Variants in DENND6B observed in about 807,000 individuals in gnomAD.
The protein encoded by DENND6B is DENN domain containing 6B.
DENND6B carries 73 observed loss-of-function variants against 85.1 expected under a neutral mutation model. That is an observed-to-expected ratio of 0.86 (90% CI 0.71 to 1.04). The LOEUF is 1.04. Among genes scored for constraint, DENND6B ranks in the 50% least tolerant of loss-of-function variants. DENND6B has a pLI of 0.00. For missense variants in DENND6B, 715 were observed against 785.8 expected (o/e 0.91, Z 1.08); for synonymous variants, 357 against 329.3 (o/e 1.08, Z -0.91).
chr22:50,319,054 C>T, intron 1 of DENND6B, 51 bp from the exon 2 acceptor site: 1 of 1,557,572 alleles, frequency 6.4e-7, no homozygotes, highest in Non-Finnish European at 8.7e-7. Context: ...GAGGAGGCGA[C>T]ACCCCTCGAC....
At chr22:50,312,290 C>T (rs367706414) in intron 19 of DENND6B, 29 bp from the exon 20 acceptor site, 21 of 1,611,118 alleles carry the variant, frequency 1.3e-5, no homozygotes, top group Admixed American at 5.0e-5. Context: ...TCAGGGCAGG[C>T]GCAGCTCCGT....
intron 2 of DENND6B, 33 bp from the exon 3 acceptor site, chr22:50,318,922 C>G (rs530734523): frequency 1.2e-6 from 2 of 1,611,024 alleles, no homozygotes; most frequent in South Asian, 1.1e-5. Context: ...GAGGGCCGAC[C>G]CACTCCTGGG....
At chr22:50,312,704 G>A in intron 17 of DENND6B, 79 bp from the exon 18 acceptor site, 1 of 811,964 alleles carries the variant, frequency 1.2e-6, no homozygotes, top group Non-Finnish European at 2.0e-6. Context: ...TGACCCTGGG[G>A]ATTGACAGGC....
chr22:50,314,593 G>A lies in DENND6B; in HGVS notation c.977+12C>T, dbSNP rs1348533159. On this transcript the variant is annotated intron_variant, in intron 11 of 19. Transcript: ENST00000413817. Reference sequence around the variant, plus strand: ...GAGCAAGGGCAAGAGGCGGGGCAGAGGCGGCACTTACGGGGCCTGCGTGCG... The same window carrying A: ...GAGCAAGGGCAAGAGGCGGGGCAGAAGCGGCACTTACGGGGCCTGCGTGCG... 7 of 1,558,506 alleles carry A rather than the reference G, an allele frequency of 4.5e-6. No individual in the cohort carries two copies. Among genetic ancestry groups the A allele is most frequent in the African/African-American group, 2.7e-5 (2 of 73,396 alleles).
chr22:50,313,027 G>GGATGCAGGTGAGCTGGGGCCCAGCAT lies in DENND6B; in HGVS notation c.1403_1428dup (p.Leu477MetfsTer40). On this transcript the variant is annotated frameshift_variant, in exon 17 of 20. Coordinates refer to ENST00000413817, the MANE Select transcript of DENND6B (RefSeq NM_001001794.4). LOFTEE classifies it high-confidence loss of function. The stretch of plus-strand genomic sequence containing the variant: ...TAGAGACCCAGCCAGTCGCCCTTGA[G>GGATGCAGGTGAGCTGGGGCCCAGCAT]GATGCAGGTGAGCTGGGGCCCAGCA... 6.4e-7 allele frequency: 1 copy of GGATGCAGGTGAGCTGGGGCCCAGCAT among 1,562,050 alleles called. No homozygotes were observed.
rs1006072014 is a variant in DENND6B, at chr22:50,317,218, G to A, written c.453+75C>T. ...TGCTGGAGGCTCAGGCCCCTTGCCC[G>A]CCCACAGCCCCTCCTGCTGCCTGCC... On this transcript the variant is annotated intron_variant, in intron 5 of 19. Transcript: ENST00000413817. The A allele has an allele frequency of 1.4e-5, 22 of 1,544,072 alleles. No individual in the cohort carries two copies. The African/African-American group carries it at 1.8e-4, about 12-fold the overall frequency.
At chr22:50,320,366 G>A (rs2042005468) in intron 1 of DENND6B, among the ~76,000 whole-genome samples, 1 of 152,230 alleles carries the variant, frequency 6.6e-6, no homozygotes, top group African/African-American at 2.4e-5. Context: ...GTGCAGGCGT[G>A]AGCCACGCCC....
At chr22:50,313,544 C>T (rs892970076) in intron 15 of DENND6B, 45 bp from the exon 16 acceptor site, 57 of 1,505,986 alleles carry the variant, frequency 3.8e-5, no homozygotes, top group Non-Finnish European at 4.7e-5. Flanking sequence ...CCCATGCCCC[C>T]CAGCCCCATC....
chr22:50,318,663 G>A (rs1331753974), intron 3 of DENND6B, among the ~76,000 whole-genome samples, 184 bp downstream of exon 3: 1 of 152,126 alleles, frequency 6.6e-6, no homozygotes, highest in African/African-American at 2.4e-5. Flanking sequence ...TCTGGGGACC[G>A]GCCTGACCTG....
chr22:50,314,083 C>G (rs911086586), intron 13 of DENND6B, 124 bp downstream of exon 13: 2 of 1,338,530 alleles, frequency 1.5e-6, no homozygotes, highest in African/African-American at 1.5e-5. Flanking sequence ...GTTCTGAGCT[C>G]TGCTGCTGAG....
chr22:50,323,721 CTTTTT>C (rs146060526), intron 1 of DENND6B, among the ~76,000 whole-genome samples: 6 of 104,584 alleles, frequency 5.7e-5, no homozygotes, highest in African/African-American at 7.9e-5. Flanking sequence ...CACGCCTAGC[CTTTTT>C]TTTTTTTTTT....
chr22:50,314,763 C>A, intron 10 of DENND6B, 36 bp downstream of exon 10: 1 of 1,583,380 alleles, frequency 6.3e-7, no homozygotes, highest in South Asian at 1.1e-5. Flanking sequence ...CCGCGATGGT[C>A]CAGCTTCCCC....
intron 16 of DENND6B, 71 bp from the exon 17 acceptor site, chr22:50,313,179 A>G: frequency 7.1e-7 from 1 of 1,415,908 alleles, no homozygotes; most frequent in Non-Finnish European, 9.7e-7. Context: ...CGCTTCCCAG[A>G]CACACTCCTC....
At position 50,309,533 on chromosome 22, in the gene DENND6B, C is replaced by A; in HGVS notation, c.*2606G>T. ...CACGCCCAGCCCCCACCCATCCACC[C>A]CAGGCCACATTCCACCCCAGGCCTC... On this transcript the variant is annotated 3_prime_UTR_variant, in exon 20 of 20. Transcript: ENST00000413817. 1 of 152,562 alleles carries A rather than the reference C, an allele frequency of 6.6e-6. No homozygotes were observed. Among genetic ancestry groups the A allele is most frequent in the Non-Finnish European group, 1.5e-5 (1 of 68,218 alleles). The allele number at this position is 152,562 out of a possible 1,614,324, so 9.5% of individuals were successfully genotyped here. A position where few individuals can be genotyped will look rare whatever the true frequency, so the allele number is the denominator to read the frequency against.
In DENND6B at chr22:50,310,618, A is replaced by G. The variant is rs1176760571; in HGVS notation, c.*1521T>C. 2.0e-5 allele frequency: 3 copies of G among 152,166 alleles called. No individual in the cohort carries two copies. Among genetic ancestry groups the G allele is most frequent in the African/African-American group, 4.8e-5 (2 of 41,424 alleles). The allele number at this position is 152,166 out of a possible 1,614,324, so 9.4% of individuals were successfully genotyped here. A position where few individuals can be genotyped will look rare whatever the true frequency, so the allele number is the denominator to read the frequency against. Reference sequence around the variant, plus strand: ...GTACGTTGCGCTGAATGAAGGCTACATTCCTCGGACTGAATGGGGGCCTCA... The same window carrying G: ...GTACGTTGCGCTGAATGAAGGCTACGTTCCTCGGACTGAATGGGGGCCTCA... On this transcript the variant is annotated 3_prime_UTR_variant, in exon 20 of 20. Transcript: ENST00000413817.
chr22:50,322,610 C>T (rs923222573), intron 1 of DENND6B, among the ~76,000 whole-genome samples: 1 of 152,104 alleles, frequency 6.6e-6, no homozygotes, highest in Non-Finnish European at 1.5e-5. Flanking sequence ...AGTGCAGTGG[C>T]GTGATCTCCG....
rs758488268 is a variant in DENND6B at position 50,311,710 on chromosome 22, G to A, written c.*429C>T. ...ATAGCCTCCCATCCCCAGACAAGAC[G>A]GGGGCTGTGTCAGGAGAGGGTCCCT... is the stretch of plus-strand genomic sequence containing the variant. On this transcript the variant is annotated 3_prime_UTR_variant, in exon 20 of 20. Transcript: ENST00000413817. The A allele has an allele frequency of 2.7e-4, 52 of 194,524 alleles. 1 individual carries two copies. Among genetic ancestry groups the A allele is most frequent in the Non-Finnish European group, 4.9e-4 (46 of 94,312 alleles). 12.0% of individuals were successfully genotyped at this position (194,524 alleles called of 1,614,324 possible).
At chr22:50,324,675 C>G (rs537295635) in intron 1 of DENND6B, among the ~76,000 whole-genome samples, 1 of 152,298 alleles carries the variant, frequency 6.6e-6, no homozygotes, top group East Asian at 1.9e-4. Flanking sequence ...CTGTCCGCCT[C>G]GGCCTCCCAA....
chr22:50,319,412 C>T (rs1204527178), intron 1 of DENND6B: 12 of 985,308 alleles, frequency 1.2e-5, no homozygotes, highest in Non-Finnish European at 1.4e-5. Flanking sequence ...TTCTCACACC[C>T]CTGGTCCTCA....
Sources: allele counts gnomAD v4.1 joint callset (sites outside exome capture counted in the v4.1 genomes callset), GRCh38; gene constraint gnomAD v4.1.1; transcripts MANE v1.5; gene names NCBI Gene and HGNC (gene_info 2026-07-23, HGNC 2026-07-21).